The following FAM13A variants were observed in gnomAD, a reference collection of about 807,000 sequenced individuals.
FAM13A encodes protein FAM13A.
In FAM13A, 76 loss-of-function variants were observed where a neutral mutation model predicts 129.6. The observed-to-expected ratio is 0.59, with a 90% CI of 0.49 to 0.71. FAM13A has a LOEUF of 0.71. Among genes scored for constraint, FAM13A ranks in the 30% least tolerant of loss-of-function variants. The pLI, the probability that FAM13A is intolerant of heterozygous loss-of-function variation, is 0.00. For missense variants in FAM13A, 1,108 were observed against 1,249.3 expected (o/e 0.89, Z 1.70); for synonymous variants, 443 against 449.9 (o/e 0.98, Z 0.20).
chr4:88,953,609 C>T (rs912699398), intron 4 of FAM13A, among the ~76,000 whole-genome samples: 2 of 152,158 alleles, frequency 1.3e-5, no homozygotes, highest in African/African-American at 2.4e-5. Context: ...AAAAGTGAAA[C>T]TCTACACCCA....
chr4:88,816,326 C>G (rs917554061), intron 7 of FAM13A, among the ~76,000 whole-genome samples: 2 of 152,128 alleles, frequency 1.3e-5, no homozygotes, highest in Admixed American at 6.5e-5. Context: ...TATATAATAA[C>G]TAAGGGTGAG....
In FAM13A at chr4:88,727,335, C is replaced by G. The variant is rs1736650665; in HGVS notation, c.*1198G>C. On this transcript the variant is annotated 3_prime_UTR_variant, in exon 24 of 24. Transcript: ENST00000264344. ...ACTGAAGAGATGGAGGATTTGGTGT[C>G]TTACATTTCCTGGTCCCTCCAAAAT... The G allele has an allele frequency of 6.6e-6, 1 of 152,610 alleles. No individual in the cohort carries two copies. The highest frequency in any genetic ancestry group is 1.9e-4 in the East Asian group (1 of 5,186). The allele number at this position is 152,610 out of a possible 1,614,324, so 9.5% of individuals were successfully genotyped here.
chr4:88,955,576 G>A (rs532514600), intron 4 of FAM13A, among the ~76,000 whole-genome samples: 112 of 152,294 alleles, frequency 7.4e-4, no homozygotes, highest in African/African-American at 2.6e-3. Context: ...ACACTTTGGA[G>A]GGCTCAGAGG....
At chr4:88,780,019 C>A (rs978758502) in intron 11 of FAM13A, among the ~76,000 whole-genome samples, 2 of 152,056 alleles carry the variant, frequency 1.3e-5, no homozygotes, top group African/African-American at 4.8e-5. Context: ...TTACTTTTAA[C>A]AAGAAAAATG....
chr4:88,841,864 T>C (rs1220817866), intron 7 of FAM13A, among the ~76,000 whole-genome samples: 1 of 152,082 alleles, frequency 6.6e-6, no homozygotes, highest in Non-Finnish European at 1.5e-5. Context: ...AAGTTAAACA[T>C]AGAGTTAACA....
chr4:88,798,051 A>C (rs1726586203), intron 8 of FAM13A, among the ~76,000 whole-genome samples: 1 of 152,188 alleles, frequency 6.6e-6, no homozygotes, highest in Non-Finnish European at 1.5e-5. Context: ...CAACCTGGGA[A>C]GGTAGATTGT....
At chr4:88,966,329 C>T (rs998990839) in intron 4 of FAM13A, among the ~76,000 whole-genome samples, 2 of 152,138 alleles carry the variant, frequency 1.3e-5, no homozygotes, top group African/African-American at 2.4e-5. Context: ...TTCATATTCA[C>T]TCATTCCTTC....
At chr4:88,917,116 T>G (rs1433006409) in intron 5 of FAM13A, among the ~76,000 whole-genome samples, 1 of 152,178 alleles carries the variant, frequency 6.6e-6, no homozygotes, top group Non-Finnish European at 1.5e-5. Context: ...CTTAGTCTGT[T>G]TTGTGTTGCT....
chr4:88,946,368 TG>T (rs561417117), intron 4 of FAM13A, among the ~76,000 whole-genome samples: 238 of 147,194 alleles, frequency 1.6e-3, no homozygotes, highest in African/African-American at 5.7e-3. Context: ...AAAGTAAAGC[TG>T]GCCTTGCTGA....
chr4:88,863,389 C>T (rs760423084), intron 6 of FAM13A, among the ~76,000 whole-genome samples: 8 of 152,080 alleles, frequency 5.3e-5, no homozygotes, highest in Non-Finnish European at 8.8e-5. Context: ...TCTGTGCCCT[C>T]CCCCATACTG....
In FAM13A at chr4:89,020,522, C is replaced by T. The variant is rs780357854; in HGVS notation, c.365G>A (p.Arg122Lys). ...GGTGATCAGACTGTCAGGCAGCTCC[C>T]TCAGAAACAGCTTCAACAGACTGGC... Reference protein sequence around the residue: ...SAASLLKLFLRELPDSLITSA... With the variant: ...SAASLLKLFLKELPDSLITSA... The change falls in exon 3 of 24, where the codon AGG becomes AAG. Residue 122 changes from arginine (R) to lysine (K), a missense_variant. By Grantham distance (26) the Arg-to-Lys change is conservative (BLOSUM62 2). Transcript: ENST00000264344. 1 of 1,614,094 alleles carries T rather than the reference C, an allele frequency of 6.2e-7. No homozygotes were observed. Among genetic ancestry groups the T allele is most frequent in the South Asian group, 1.1e-5 (1 of 91,082 alleles).
intron 3 of FAM13A, among the ~76,000 whole-genome samples, chr4:89,016,537 T>C (rs1766518450): frequency 6.6e-6 from 1 of 152,222 alleles, no homozygotes; most frequent in South Asian, 2.1e-4. Flanking sequence ...GAGCAACTTC[T>C]AGTCCTGCAA....
chr4:89,037,273 T>A (rs1405316227), intron 1 of FAM13A, among the ~76,000 whole-genome samples: 1 of 152,240 alleles, frequency 6.6e-6, no homozygotes, highest in Non-Finnish European at 1.5e-5. Flanking sequence ...ACACCTTGCA[T>A]CAGGGTGGCC....
chr4:88,854,946 G>T (rs1312731831), intron 6 of FAM13A, among the ~76,000 whole-genome samples: 3 of 152,174 alleles, frequency 2.0e-5, no homozygotes, highest in African/African-American at 4.8e-5. Flanking sequence ...GGTTCCAAGA[G>T]ATTTACATAA....
intron 10 of FAM13A, among the ~76,000 whole-genome samples, chr4:88,783,143 T>C (rs1489409026): frequency 6.6e-6 from 1 of 152,122 alleles, no homozygotes; most frequent in Non-Finnish European, 1.5e-5. Context: ...CCAATTACAC[T>C]CTTTTAGATA....
chr4:88,985,938 T>C (rs1762185943), intron 4 of FAM13A, among the ~76,000 whole-genome samples: 1 of 150,928 alleles, frequency 6.6e-6, no homozygotes, highest in Admixed American at 6.6e-5. Flanking sequence ...GAAATAAGAA[T>C]GCACACATAT....
At chr4:88,961,347 CTTTTTTTTTTTTTTTTTTTTTTTTT>C (rs773764813) in intron 4 of FAM13A, among the ~76,000 whole-genome samples, 4 of 55,424 alleles carry the variant, frequency 7.2e-5, no homozygotes, top group African/African-American at 2.2e-4. Flanking sequence ...TGGAATTTGC[CTTTTTTTTTTTTTTTTTTTTTTTTT>C]TTTTTTTTTT....
chr4:88,981,596 G>A (rs1374697994), intron 4 of FAM13A, among the ~76,000 whole-genome samples: 1 of 151,950 alleles, frequency 6.6e-6, no homozygotes, highest in African/African-American at 2.4e-5. Context: ...GAAACCCAAA[G>A]AAAACAAGGC....
At position 88,805,066 on chromosome 4, in the gene FAM13A, A is replaced by G; in HGVS notation, c.1008-14T>C. 2.9e-6 allele frequency: 4 copies of G among 1,390,326 alleles called. No homozygotes were observed. The highest frequency in any genetic ancestry group is 4.1e-6 in the Non-Finnish European group (4 of 987,492). The allele number at this position is 1,390,326 out of a possible 1,614,324, so 86.1% of individuals were successfully genotyped here. Reference sequence around the variant, plus strand: ...TCTTCCTGTGAACTAAAAGGAAAATAAATTTTGAATTAATATAATGTCTGT... The same window carrying G: ...TCTTCCTGTGAACTAAAAGGAAAATGAATTTTGAATTAATATAATGTCTGT... On this transcript the variant is annotated splice_polypyrimidine_tract_variant and intron_variant, in intron 7 of 23. Transcript: ENST00000264344.
Sources: gnomAD v4.1 joint callset for allele counts (sites outside exome capture counted in the v4.1 genomes callset) on GRCh38, gnomAD v4.1.1 for gene constraint, MANE v1.5 for transcripts, NCBI Gene and HGNC (gene_info 2026-07-23, HGNC 2026-07-21) for gene names.